Variants in VRK2 observed in about 807,000 individuals in gnomAD.
VRK2 encodes the protein VRK serine/threonine kinase 2, also known as serine/threonine-protein kinase VRK2.
In VRK2, 60 loss-of-function variants were observed where a neutral mutation model predicts 57.6. That is an observed-to-expected ratio of 1.04 (90% CI 0.85 to 1.29). The LOEUF (loss-of-function observed/expected upper bound fraction) is 1.29. Among genes scored for constraint, VRK2 ranks in the 50% most tolerant of loss-of-function variants. The pLI is 0.00. For missense variants in VRK2, 705 were observed against 588.1 expected (o/e 1.20, Z -2.06); for synonymous variants, 231 against 199.2 (o/e 1.16, Z -1.35).
At chr2:57,923,674 G>T (rs1456437968) in intron 1 of VRK2, among the ~76,000 whole-genome samples, 1 of 151,844 alleles carries the variant, frequency 6.6e-6, no homozygotes, top group Non-Finnish European at 1.5e-5. Context: ...CTTCCATTCT[G>T]TGGGTTGTCT....
intron 2 of VRK2, 28 bp from the exon 3 acceptor site, chr2:58,084,061 C>T: frequency 6.2e-7 from 1 of 1,600,322 alleles, no homozygotes; most frequent in Non-Finnish European, 8.5e-7. Flanking sequence ...AACTATTTTT[C>T]TCCATTGTGT....
chr2:57,916,515 C>G lies in VRK2; in HGVS notation c.-439+8676C>G, dbSNP rs557834792. 3.3e-5 allele frequency among the ~76,000 whole-genome samples: 5 copies of G among 151,902 alleles called. No homozygotes were observed. The East Asian group carries it at 9.7e-4, about 29-fold the overall frequency. On this transcript the variant is annotated intron_variant, in intron 1 of 15. Coordinates refer to the VRK2 transcript ENST00000417641. ...TTAGCCTATAAGTTTTGAATATTCACTATATCGACCCACCCTCCTTAAGCC... is the reference window on the plus strand; with the variant it reads ...TTAGCCTATAAGTTTTGAATATTCAGTATATCGACCCACCCTCCTTAAGCC...
chr2:57,928,217 T>G (rs1670605244), intron 1 of VRK2, among the ~76,000 whole-genome samples: 1 of 152,110 alleles, frequency 6.6e-6, no homozygotes, highest in Non-Finnish European at 1.5e-5. Flanking sequence ...TAGATATTCA[T>G]TTTTTAAAAT....
intron 1 of VRK2, among the ~76,000 whole-genome samples, chr2:57,924,399 A>G (rs751025293): frequency 9.2e-5 from 14 of 151,926 alleles, no homozygotes; most frequent in Non-Finnish European, 1.9e-4. Context: ...AATTTCTTAC[A>G]TCAGTGTTTT....
intron 2 of VRK2, among the ~76,000 whole-genome samples, chr2:58,030,611 T>C (rs778567494): frequency 1.3e-5 from 2 of 151,980 alleles, no homozygotes; most frequent in African/African-American, 2.4e-5. Context: ...GGAAAGCAAA[T>C]ATACTAGCTT....
At chr2:58,145,171 G>C (rs1371808655) in intron 11 of VRK2, among the ~76,000 whole-genome samples, 1 of 151,966 alleles carries the variant, frequency 6.6e-6, no homozygotes, top group Non-Finnish European at 1.5e-5. Flanking sequence ...CAACAGTGTT[G>C]TGGGTTCTGC....
At chr2:57,990,308 A>G (rs1672723454) in intron 1 of VRK2, among the ~76,000 whole-genome samples, 1 of 152,202 alleles carries the variant, frequency 6.6e-6, no homozygotes, top group Non-Finnish European at 1.5e-5. Flanking sequence ...AGTCTCCTTG[A>G]CACAGTTCAG....
intron 2 of VRK2, chr2:58,058,301 G>A: frequency 2.1e-6 from 1 of 465,664 alleles, no homozygotes; most frequent in Non-Finnish European, 4.5e-6. Flanking sequence ...TAGGGATGCT[G>A]TATTTTATCA....
intron 7 of VRK2, among the ~76,000 whole-genome samples, chr2:58,097,032 A>G (rs1184298280): frequency 1.3e-5 from 2 of 152,064 alleles, no homozygotes; most frequent in East Asian, 1.9e-4. Flanking sequence ...ATTGTTTATA[A>G]TAAGTTTACT....
rs1680522318 is a variant in VRK2 at position 58,137,193 on chromosome 2, C to CT, written c.856+1994_856+1995insT. ...TATATCATATATATCATATATGATA[C>CT]ATATATATCTCATATATGATACATA... On this transcript the variant is annotated intron_variant, in intron 10 of 12. Transcript: ENST00000340157. 6.6e-5 allele frequency among the ~76,000 whole-genome samples: 3 copies of CT among 45,374 alleles called. No individual in the cohort carries two copies. The African/African-American group carries it at 8.6e-4, about 13-fold the overall frequency. The allele number at this position is 45,374 out of a possible 152,430, so 29.8% of individuals were successfully genotyped here.
intron 2 of VRK2, among the ~76,000 whole-genome samples, chr2:58,066,141 T>C (rs1278828557): frequency 6.6e-6 from 1 of 152,210 alleles, no homozygotes; most frequent in Non-Finnish European, 1.5e-5. Flanking sequence ...CAGTGATTTA[T>C]TGAATAGAAA....
intron 7 of VRK2, among the ~76,000 whole-genome samples, chr2:58,099,728 G>A (rs1410917171): frequency 2.0e-5 from 3 of 152,036 alleles, no homozygotes; most frequent in Non-Finnish European, 4.4e-5. Context: ...ACTTGTCACA[G>A]TGCCTTCTTG....
intron 1 of VRK2, among the ~76,000 whole-genome samples, chr2:57,912,553 A>G (rs1670019957): frequency 1.3e-5 from 2 of 152,330 alleles, no homozygotes; most frequent in Middle Eastern, 3.4e-3. Flanking sequence ...GCTCAGAAAC[A>G]GAGAGGAAAT....
At chr2:58,012,911 G>A (rs919362137) in intron 1 of VRK2, among the ~76,000 whole-genome samples, 4 of 151,964 alleles carry the variant, frequency 2.6e-5, no homozygotes, top group South Asian at 4.1e-4. Flanking sequence ...AATATAAAAC[G>A]TAAAACTTTC....
chr2:58,139,924 A>G lies in VRK2; in HGVS notation c.1023+92A>G. ...TTTTAGGTCTCAAAATGAGTCTGAC[A>G]GCTTTCTTCTTCCTTATATTTAACT... is the stretch of plus-strand genomic sequence containing the variant. On this transcript the variant is annotated intron_variant, in intron 11 of 12. Coordinates refer to ENST00000340157, the MANE Select transcript of VRK2 (RefSeq NM_006296.7). The G allele has an allele frequency of 3.0e-6, 4 of 1,329,448 alleles. No homozygotes were observed. In the South Asian group the frequency reaches 6.7e-5, roughly 22 times the overall value. 82.4% of individuals were successfully genotyped at this position (1,329,448 alleles called of 1,614,324 possible).
chr2:58,046,996 C>G, intron 1 of VRK2, 128 bp downstream of exon 1: 19 of 984,526 alleles, frequency 1.9e-5, no homozygotes, highest in Non-Finnish European at 2.3e-5. Context: ...CGTCCCAGCC[C>G]CCGGGCCTCA....
At chr2:58,112,855 A>G (rs1675780139) in intron 7 of VRK2, among the ~76,000 whole-genome samples, 2 of 152,210 alleles carry the variant, frequency 1.3e-5, no homozygotes, top group Non-Finnish European at 2.9e-5. Flanking sequence ...TATGAACACA[A>G]GTTGTCTTAA....
At chr2:58,085,579 G>A (rs1671499124) in intron 4 of VRK2, among the ~76,000 whole-genome samples, 1 of 151,866 alleles carries the variant, frequency 6.6e-6, no homozygotes, top group East Asian at 1.9e-4. Flanking sequence ...GTAGACAGGA[G>A]TAATGACTGT....
chr2:58,032,088 A>C (rs1435261828), intron 2 of VRK2, among the ~76,000 whole-genome samples: 4 of 152,070 alleles, frequency 2.6e-5, no homozygotes, highest in Admixed American at 2.6e-4. Flanking sequence ...TTACTTCTAC[A>C]TAGAAATTTT....
Sources: gnomAD v4.1 joint callset for allele counts (sites outside exome capture counted in the v4.1 genomes callset) on GRCh38, gnomAD v4.1.1 for gene constraint, MANE v1.5 for transcripts, NCBI Gene and HGNC (gene_info 2026-07-23, HGNC 2026-07-21) for gene names.